KIAA1217: variants seen among roughly 807,000 people sequenced by gnomAD.
KIAA1217 encodes the protein KIAA1217.
A neutral mutation model predicts 163.9 loss-of-function variants in KIAA1217; 88 were observed. That is an observed-to-expected ratio of 0.54 (90% CI 0.45 to 0.64). KIAA1217 has a LOEUF of 0.64. Among genes scored for constraint, KIAA1217 ranks in the 30% least tolerant of loss-of-function variants. The pLI, the probability that KIAA1217 is intolerant of heterozygous loss-of-function variation, is 0.00. For synonymous variants in KIAA1217, 903 were observed against 923.1 expected, an observed-to-expected ratio of 0.98 and a Z score of 0.39; for missense variants, 2,372 against 2,475.0, an observed-to-expected ratio of 0.96 and a Z score of 0.88.
intron 1 of KIAA1217, among the ~76,000 whole-genome samples, chr10:23,891,472 C>T (rs569450812): frequency 6.6e-6 from 1 of 152,028 alleles, no homozygotes; most frequent in South Asian, 2.1e-4. Context: ...CCTCAGGACC[C>T]AGCCATTCAG....
At chr10:23,801,402 C>A (rs1369579050) in intron 1 of KIAA1217, among the ~76,000 whole-genome samples, 1 of 152,102 alleles carries the variant, frequency 6.6e-6, no homozygotes, top group African/African-American at 2.4e-5. Context: ...GTGCAGAAAA[C>A]CACCATGGCA....
upstream of KIAA1217, among the ~76,000 whole-genome samples, chr10:24,208,374 GGT>G (rs10539475): frequency 0.11 from 15,740 of 148,804 alleles, 1,354 homozygotes; most frequent in African/African-American, 0.24. Flanking sequence ...TTAAGGGCTG[GGT>G]GTGTGTGTGT....
chr10:24,334,350 G>A lies in KIAA1217; in HGVS notation c.355-46519G>A, dbSNP rs184341175. ...AGCCCAGGATTTCAGATCTAACCTG[G>A]GCAATATAGTGAGACCCTGTGTCTT... On this transcript the variant is annotated intron_variant, in intron 2 of 20. Transcript: ENST00000376454. 4.0e-5 allele frequency among the ~76,000 whole-genome samples: 6 copies of A among 151,478 alleles called. No homozygotes were observed. The East Asian group carries it at 7.8e-4, about 20-fold the overall frequency.
intron 5 of KIAA1217, among the ~76,000 whole-genome samples, chr10:24,465,266 C>A (rs2062823555): frequency 6.6e-6 from 1 of 152,214 alleles, no homozygotes; most frequent in African/African-American, 2.4e-5. Flanking sequence ...CTGTTACAAC[C>A]ACTTCATCCA....
At chr10:24,442,868 C>A (rs1033984660) in intron 5 of KIAA1217, among the ~76,000 whole-genome samples, 10 of 151,778 alleles carry the variant, frequency 6.6e-5, no homozygotes, top group Non-Finnish European at 1.5e-4. Flanking sequence ...AGTATTCTTA[C>A]AATAGCTAAC....
At chr10:24,506,766 C>G (rs1456939082) in intron 9 of KIAA1217, among the ~76,000 whole-genome samples, 1 of 152,086 alleles carries the variant, frequency 6.6e-6, no homozygotes, top group Non-Finnish European at 1.5e-5. Flanking sequence ...AAGGAAAAAC[C>G]CAAGCATGGC....
chr10:24,243,530 T>A (rs946018575), intron 2 of KIAA1217, among the ~76,000 whole-genome samples: 9 of 152,124 alleles, frequency 5.9e-5, no homozygotes, highest in Non-Finnish European at 1.2e-4. Flanking sequence ...TTTGTTTTTT[T>A]TGTTTCTGAG....
chr10:23,734,113 A>G (rs937687223), intron 1 of KIAA1217, among the ~76,000 whole-genome samples: 2 of 152,040 alleles, frequency 1.3e-5, no homozygotes, highest in African/African-American at 4.8e-5. Context: ...GAACCTCCCA[A>G]CTTAGTAGGA....
intron 1 of KIAA1217, among the ~76,000 whole-genome samples, chr10:23,834,615 A>G (rs1022209468): frequency 3.0e-4 from 46 of 152,214 alleles, no homozygotes; most frequent in African/African-American, 1.1e-3. Context: ...ACTCATAAAA[A>G]TGATGAGAGA....
chr10:23,843,199 G>T (rs1386991819), intron 1 of KIAA1217, among the ~76,000 whole-genome samples: 2 of 152,136 alleles, frequency 1.3e-5, no homozygotes. Context: ...GTAGAATCAT[G>T]CTATGGCCAT....
intron 2 of KIAA1217, among the ~76,000 whole-genome samples, chr10:24,069,705 C>T (rs1739483223): frequency 6.6e-6 from 1 of 152,194 alleles, no homozygotes; most frequent in African/African-American, 2.4e-5. Flanking sequence ...TGGAATTTTA[C>T]AAAGGGAATT....
At chr10:24,037,783 A>ATGGCTAC (rs1848459383) in intron 2 of KIAA1217, among the ~76,000 whole-genome samples, 1 of 152,224 alleles carries the variant, frequency 6.6e-6, no homozygotes, top group Admixed American at 6.5e-5. Context: ...TTGTGATCTA[A>ATGGCTAC]TGGCTACTTC....
intron 1 of KIAA1217, among the ~76,000 whole-genome samples, chr10:23,746,780 G>A (rs567697245): frequency 6.6e-6 from 1 of 152,176 alleles, no homozygotes; most frequent in East Asian, 1.9e-4. Context: ...GAAGTTTGGG[G>A]CAGAGGTGTG....
In KIAA1217 at chr10:24,277,923, T is replaced by A. The variant is rs986302805; in HGVS notation, c.354+58014T>A. On this transcript the variant is annotated intron_variant, in intron 2 of 20. Transcript: ENST00000376454. ...CTGCCAGCAATCAGCTGGGAACTTC[T>A]CCCCTGTGATAGAAAGCAGTGCTTG... is the stretch of plus-strand genomic sequence containing the variant. Among the ~76,000 whole-genome samples the A allele has an allele frequency of 1.4e-4, 22 of 152,204 alleles. No homozygotes were observed. The East Asian group carries it at 4.0e-3, about 28-fold the overall frequency.
intron 1 of KIAA1217, among the ~76,000 whole-genome samples, chr10:23,873,549 G>T (rs1474373263): frequency 2.0e-5 from 3 of 151,974 alleles, no homozygotes; most frequent in East Asian, 3.9e-4. Context: ...ACGGATCTAA[G>T]CAATGTTTGA....
chr10:23,727,963 C>T (rs1292813105), intron 1 of KIAA1217, among the ~76,000 whole-genome samples: 2 of 152,152 alleles, frequency 1.3e-5, no homozygotes, highest in South Asian at 4.1e-4. Context: ...CATGTCCCTG[C>T]AAAGGACATG....
intron 2 of KIAA1217, among the ~76,000 whole-genome samples, chr10:24,332,898 G>A (rs1406652864): frequency 6.6e-6 from 1 of 152,124 alleles, no homozygotes; most frequent in Non-Finnish European, 1.5e-5. Context: ...AGGGGTAGGA[G>A]GGAAGGAGGA....
chr10:23,909,143 G>A (rs746049410), intron 1 of KIAA1217, among the ~76,000 whole-genome samples: 2 of 152,114 alleles, frequency 1.3e-5, no homozygotes, highest in Non-Finnish European at 2.9e-5. Context: ...GTAAGTGGGA[G>A]CAAAGCTATG....
At chr10:24,223,690 A>G (rs955179664) in intron 2 of KIAA1217, among the ~76,000 whole-genome samples, 10 of 151,706 alleles carry the variant, frequency 6.6e-5, no homozygotes, top group Non-Finnish European at 1.3e-4. Flanking sequence ...GTCTAACATG[A>G]AATCTCTTAA....
Sources: gnomAD v4.1 joint callset for allele counts (sites outside exome capture counted in the v4.1 genomes callset) on GRCh38, gnomAD v4.1.1 for gene constraint, MANE v1.5 for transcripts, NCBI Gene and HGNC (gene_info 2026-07-23, HGNC 2026-07-21) for gene names.